ADGRL2: variants seen among roughly 807,000 people sequenced by gnomAD.
ADGRL2 encodes calcium-independent alpha-latrotoxin receptor 2.
Under a neutral mutation model 157.4 loss-of-function variants are expected in ADGRL2, and 44 were observed. The observed-to-expected ratio is 0.28, with a 90% confidence interval of 0.22 to 0.36. The LOEUF (loss-of-function observed/expected upper bound fraction) is 0.36, where lower values mean the gene tolerates loss of function less well. Ranked by LOEUF, ADGRL2 falls within the 10% of genes least tolerant of loss-of-function variation. ADGRL2 has a pLI of 1.00. For synonymous variants in ADGRL2, 585 were observed against 624.7 expected, an observed-to-expected ratio of 0.94 and a Z score of 0.95; for missense variants, 1,510 against 1,768.9, an observed-to-expected ratio of 0.85 and a Z score of 2.63.
At chr1:81,956,742 G>A (rs954824967) in intron 11 of ADGRL2, among the ~76,000 whole-genome samples, 2 of 152,202 alleles carry the variant, frequency 1.3e-5, no homozygotes, top group African/African-American at 4.8e-5. Flanking sequence ...TTCAGATGAA[G>A]TTAACAGTAT....
intron 2 of ADGRL2, among the ~76,000 whole-genome samples, chr1:81,763,043 G>C (rs1368446607): frequency 8.6e-5 from 7 of 81,800 alleles, no homozygotes; most frequent in African/African-American, 3.7e-4. Flanking sequence ...GCCAGACTCC[G>C]TCTAAAAAAA....
chr1:81,962,957 A>G (rs943362328), intron 11 of ADGRL2, among the ~76,000 whole-genome samples: 1 of 152,102 alleles, frequency 6.6e-6, no homozygotes, highest in Non-Finnish European at 1.5e-5. Flanking sequence ...TCCAGACACA[A>G]AAATCTTGTT....
At position 81,851,877 on chromosome 1, in the gene ADGRL2, CTA is replaced by C. The variant is rs1467118303; in HGVS notation, c.73+14822_73+14823del. Among the ~76,000 whole-genome samples the C allele has an allele frequency of 3.3e-5, 5 of 151,530 alleles. No individual in the cohort carries two copies. In the East Asian group the frequency reaches 9.6e-4, roughly 29 times the overall value. The stretch of plus-strand genomic sequence containing the variant: ...AATTTAGAAAAAGAAGTAGTAAATT[CTA>C]TGTTTAGTAGAAATTGAGGTAAATG... On this transcript the variant is annotated intron_variant, in intron 2 of 23. Coordinates refer to ENST00000686636, the MANE Select transcript of ADGRL2 (RefSeq NM_001366006.2).
At chr1:81,543,529 A>AT (rs1246702898) in intron 2 of ADGRL2, among the ~76,000 whole-genome samples, 4 of 152,076 alleles carry the variant, frequency 2.6e-5, no homozygotes, top group African/African-American at 9.7e-5. Context: ...ATATTAACAT[A>AT]TTTTTTCTAT....
intron 2 of ADGRL2, among the ~76,000 whole-genome samples, chr1:81,787,260 C>G (rs965986749): frequency 6.6e-6 from 1 of 152,082 alleles, no homozygotes. Context: ...TGTGTCATTT[C>G]TTGGTGAAGT....
chr1:81,630,191 A>G (rs1351646214), intron 3 of ADGRL2, among the ~76,000 whole-genome samples: 1 of 152,078 alleles, frequency 6.6e-6, no homozygotes, highest in Non-Finnish European at 1.5e-5. Context: ...CCTGTAAGGC[A>G]GGGACATTAG....
At chr1:81,737,300 G>T (rs1054228883) in intron 1 of ADGRL2, among the ~76,000 whole-genome samples, 14 of 152,206 alleles carry the variant, frequency 9.2e-5, no homozygotes, top group Non-Finnish European at 2.1e-4. Context: ...GAGGCCTCAG[G>T]AAACTTACAA....
chr1:81,350,158 A>G (rs1306127469), intron 1 of ADGRL2, among the ~76,000 whole-genome samples: 1 of 152,150 alleles, frequency 6.6e-6, no homozygotes, highest in African/African-American at 2.4e-5. Context: ...ATTTTTAGGG[A>G]ATAAAACAAA....
At chr1:81,459,040 G>C (rs546514714) in intron 2 of ADGRL2, among the ~76,000 whole-genome samples, 1 of 152,144 alleles carries the variant, frequency 6.6e-6, no homozygotes, top group Non-Finnish European at 1.5e-5. Flanking sequence ...TGTGTGAGAG[G>C]GGACCCAAAA....
At chr1:81,967,363 G>A (rs556012563) in intron 13 of ADGRL2, among the ~76,000 whole-genome samples, 37 of 151,464 alleles carry the variant, frequency 2.4e-4, no homozygotes, top group Non-Finnish European at 4.4e-4. Context: ...CCGGGTTCAC[G>A]CCATTCTCCT....
chr1:81,547,307 G>GTAAAGCGA (rs948164535), intron 2 of ADGRL2, among the ~76,000 whole-genome samples: 2 of 152,180 alleles, frequency 1.3e-5, no homozygotes, highest in Non-Finnish European at 2.9e-5. Context: ...GAAGGAACCT[G>GTAAAGCGA]TAAAGCGATA....
At chr1:81,313,933 C>A (rs1331456371) in intron 1 of ADGRL2, among the ~76,000 whole-genome samples, 1 of 152,068 alleles carries the variant, frequency 6.6e-6, no homozygotes, top group Non-Finnish European at 1.5e-5. Context: ...CATACTCTGT[C>A]CCCAATCCAT....
chr1:81,910,080 A>G (rs1045022788), intron 3 of ADGRL2, among the ~76,000 whole-genome samples: 3 of 151,932 alleles, frequency 2.0e-5, no homozygotes, highest in South Asian at 2.1e-4. Context: ...TCTCTACTAA[A>G]AATATAAAGA....
chr1:81,667,284 T>C (rs1359436577), intron 3 of ADGRL2, among the ~76,000 whole-genome samples: 1 of 152,192 alleles, frequency 6.6e-6, no homozygotes, highest in Admixed American at 6.5e-5. Flanking sequence ...AAGAGAACAA[T>C]TGTTATAATT....
intron 2 of ADGRL2, among the ~76,000 whole-genome samples, chr1:81,464,050 A>G (rs1033057353): frequency 2.0e-5 from 3 of 152,158 alleles, no homozygotes; most frequent in African/African-American, 7.2e-5. Flanking sequence ...AATTGCATAC[A>G]TACACATCAT....
intron 2 of ADGRL2, chr1:81,503,040 C>T: frequency 3.1e-6 from 5 of 1,611,606 alleles, no homozygotes; most frequent in South Asian, 2.2e-5. Flanking sequence ...GTACTCGGAC[C>T]GCCGCACTGG....
At chr1:81,848,301 T>G (rs1234451548) in intron 2 of ADGRL2, among the ~76,000 whole-genome samples, 2 of 151,818 alleles carry the variant, frequency 1.3e-5, no homozygotes, top group Non-Finnish European at 2.9e-5. Flanking sequence ...GAGGTCGAAG[T>G]ATTTTTATTT....
chr1:81,582,753 G>T (rs1287174483), intron 3 of ADGRL2, among the ~76,000 whole-genome samples: 1 of 152,138 alleles, frequency 6.6e-6, no homozygotes, highest in African/African-American at 2.4e-5. Context: ...CAGATTGCAT[G>T]CCTTCTCACA....
intron 3 of ADGRL2, among the ~76,000 whole-genome samples, chr1:81,925,041 A>G (rs1156379646): frequency 6.6e-6 from 1 of 152,132 alleles, no homozygotes; most frequent in African/African-American, 2.4e-5. Flanking sequence ...TAATTTGACC[A>G]TGAGGGTATA....
Sources: allele counts gnomAD v4.1 joint callset (sites outside exome capture counted in the v4.1 genomes callset), GRCh38; gene constraint gnomAD v4.1.1; transcripts MANE v1.5; gene names NCBI Gene and HGNC (gene_info 2026-07-23, HGNC 2026-07-21).